Variants in NCOA2 observed in about 807,000 individuals in gnomAD.
NCOA2 encodes nuclear receptor coactivator 2, also known as class E basic helix-loop-helix protein 75.
A neutral mutation model predicts 145.1 loss-of-function variants in NCOA2; 21 were observed. The observed-to-expected ratio is 0.14, with a 90% CI of 0.10 to 0.21. NCOA2 has a LOEUF of 0.21. Among genes scored for constraint, NCOA2 ranks in the 10% least tolerant of loss-of-function variants. NCOA2 has a pLI of 1.00. For synonymous variants in NCOA2, 619 were observed against 637.5 expected (o/e 0.97, Z 0.44); for missense variants, 1,472 against 1,837.6 (o/e 0.80, Z 3.64).
At chr8:70,162,069 T>C (rs542482370) in intron 9 of NCOA2, among the ~76,000 whole-genome samples, 5 of 152,260 alleles carry the variant, frequency 3.3e-5, no homozygotes, top group African/African-American at 1.2e-4. Context: ...CCTCGTCCCC[T>C]TGTCCAGAGT....
At chr8:70,320,194 T>A (rs999760196) in intron 1 of NCOA2, among the ~76,000 whole-genome samples, 2 of 152,194 alleles carry the variant, frequency 1.3e-5, no homozygotes, top group African/African-American at 4.8e-5. Context: ...GTTTAAAGTA[T>A]ATGTATTTTG....
At chr8:70,335,616 A>G (rs1807516810) in intron 1 of NCOA2, among the ~76,000 whole-genome samples, 1 of 151,872 alleles carries the variant, frequency 6.6e-6, no homozygotes, top group African/African-American at 2.4e-5. Context: ...CCTGCTCCCT[A>G]CTCCTGGCAA....
At chr8:70,223,647 T>C (rs1213140425) in intron 2 of NCOA2, among the ~76,000 whole-genome samples, 1 of 152,216 alleles carries the variant, frequency 6.6e-6, no homozygotes, top group African/African-American at 2.4e-5. Context: ...TCTACATTGG[T>C]TGGCGTTTTC....
At chr8:70,446,162 C>A in the NCOA2 span, among the ~76,000 whole-genome samples, 2 of 152,172 alleles carry the variant, frequency 1.3e-5, no homozygotes, top group African/African-American at 4.8e-5. Flanking sequence ...GTCTCCACCC[C>A]TCCACATTGC....
intron 15 of NCOA2, 100 bp from the exon 16 acceptor site, chr8:70,132,102 GT>G (rs1307207116): frequency 1.6e-6 from 2 of 1,260,696 alleles, no homozygotes; most frequent in Non-Finnish European, 2.2e-6. Flanking sequence ...GACTTCCAGG[GT>G]TGTTGCAACA....
chr8:70,179,101 C>G (rs940091779), intron 4 of NCOA2, among the ~76,000 whole-genome samples: 5 of 151,860 alleles, frequency 3.3e-5, no homozygotes, highest in African/African-American at 1.2e-4. Context: ...ATTTTTATTC[C>G]TCATTAATAA....
chr8:70,406,590 G>A (rs1282909406), upstream of NCOA2, among the ~76,000 whole-genome samples: 1 of 152,138 alleles, frequency 6.6e-6, no homozygotes, highest in East Asian at 1.9e-4. Flanking sequence ...ATAACATACC[G>A]TGAATGGATG....
chr8:70,431,595 T>C, the NCOA2 span, among the ~76,000 whole-genome samples: 1 of 152,240 alleles, frequency 6.6e-6, no homozygotes, highest in African/African-American at 2.4e-5. Context: ...TGAATGCTTA[T>C]TCCACACTCT....
the NCOA2 span, among the ~76,000 whole-genome samples, chr8:70,440,997 TAGAA>T: frequency 7.7e-5 from 5 of 64,936 alleles, no homozygotes; most frequent in South Asian, 1.3e-3. Context: ...AGAGGAAAGA[TAGAA>T]AGGAAAGAAA....
At chr8:70,271,221 A>G (rs1022410044) in intron 2 of NCOA2, among the ~76,000 whole-genome samples, 2 of 152,276 alleles carry the variant, frequency 1.3e-5, no homozygotes, top group Non-Finnish European at 1.5e-5. Flanking sequence ...AGCAAGATAC[A>G]GTATAGTAAA....
At chr8:70,305,609 G>A (rs372540463) in intron 1 of NCOA2, among the ~76,000 whole-genome samples, 8 of 151,984 alleles carry the variant, frequency 5.3e-5, no homozygotes, top group African/African-American at 1.4e-4. Flanking sequence ...AGGCAGCACC[G>A]ACCCACCAAA....
intron 1 of NCOA2, among the ~76,000 whole-genome samples, chr8:70,344,072 C>T (rs750213236): frequency 1.7e-4 from 26 of 152,148 alleles, no homozygotes; most frequent in Non-Finnish European, 3.4e-4. Flanking sequence ...GCCTTTTAAA[C>T]CCGTGTATTC....
At chr8:70,271,330 C>T (rs1825029474) in intron 2 of NCOA2, among the ~76,000 whole-genome samples, 3 of 152,118 alleles carry the variant, frequency 2.0e-5, no homozygotes, top group Non-Finnish European at 4.4e-5. Flanking sequence ...TTAATTTTTA[C>T]ATATTTCAAC....
intron 1 of NCOA2, among the ~76,000 whole-genome samples, chr8:70,342,864 C>G (rs1266872998): frequency 1.3e-5 from 2 of 149,746 alleles, no homozygotes; most frequent in African/African-American, 2.5e-5. Flanking sequence ...TTTTTTTTTA[C>G]CCAAGCTGCA....
chr8:70,201,703 A>C (rs1361052856), intron 4 of NCOA2, among the ~76,000 whole-genome samples: 1 of 152,200 alleles, frequency 6.6e-6, no homozygotes, highest in Non-Finnish European at 1.5e-5. Context: ...CCATGCCCAA[A>C]CTACAGATAG....
intron 2 of NCOA2, among the ~76,000 whole-genome samples, chr8:70,222,982 A>G (rs1820292297): frequency 6.6e-6 from 1 of 152,188 alleles, no homozygotes; most frequent in South Asian, 2.1e-4. Flanking sequence ...CTGCTTATAT[A>G]TCGACGTCAG....
the NCOA2 span, among the ~76,000 whole-genome samples, chr8:70,416,104 G>A: frequency 6.6e-6 from 1 of 152,044 alleles, no homozygotes; most frequent in Non-Finnish European, 1.5e-5. Flanking sequence ...CAGTAGGGTG[G>A]AAATTGAAGC....
At chr8:70,321,607 T>C (rs1309139731) in intron 1 of NCOA2, among the ~76,000 whole-genome samples, 1 of 152,068 alleles carries the variant, frequency 6.6e-6, no homozygotes, top group Non-Finnish European at 1.5e-5. Flanking sequence ...ATCCATTTTC[T>C]TTCTCACAGA....
At chr8:70,321,524 C>T (rs1286775367) in intron 1 of NCOA2, among the ~76,000 whole-genome samples, 1 of 151,842 alleles carries the variant, frequency 6.6e-6, no homozygotes, top group African/African-American at 2.4e-5. Context: ...TGCCAATTTA[C>T]AAAATTAAAA....
Sources: gnomAD v4.1 joint callset for allele counts (sites outside exome capture counted in the v4.1 genomes callset) on GRCh38, gnomAD v4.1.1 for gene constraint, MANE v1.5 for transcripts, NCBI Gene and HGNC (gene_info 2026-07-23, HGNC 2026-07-21) for gene names.